The following MCPH1 variants were observed in gnomAD, a reference collection of about 807,000 sequenced individuals.
The protein encoded by MCPH1 is microcephalin 1.
In MCPH1, 104 loss-of-function variants were observed where a neutral mutation model predicts 84.5. The ratio of observed to expected loss-of-function variants is 1.23; its 90% CI spans 1.05 to 1.45. The LOEUF (loss-of-function observed/expected upper bound fraction) is 1.45, where lower values mean the gene tolerates loss of function less well. MCPH1 is among the 40% of genes most tolerant of loss of function. MCPH1 has a pLI of 0.00. For missense variants in MCPH1, 1,498 were observed against 1,005.7 expected (o/e 1.49, Z -6.62); for synonymous variants, 514 against 366.8 (o/e 1.40, Z -4.58).
chr8:6,588,748 A>G (rs1447395507), intron 12 of MCPH1, among the ~76,000 whole-genome samples: 2 of 152,202 alleles, frequency 1.3e-5, no homozygotes, highest in Non-Finnish European at 2.9e-5. Context: ...AGTTCTTCCC[A>G]TGGCTTCTCA....
At chr8:6,578,749 T>G (rs1487874797) in intron 12 of MCPH1, among the ~76,000 whole-genome samples, 1 of 152,180 alleles carries the variant, frequency 6.6e-6, no homozygotes, top group Non-Finnish European at 1.5e-5. Flanking sequence ...AATGTGCCAC[T>G]TCTCAGGAAG....
intron 11 of MCPH1, among the ~76,000 whole-genome samples, chr8:6,487,255 C>A (rs1230446419): frequency 2.0e-5 from 3 of 152,208 alleles, no homozygotes; most frequent in African/African-American, 7.2e-5. Context: ...AAAATGATTT[C>A]ATGATGACTA....
In MCPH1 at chr8:6,564,736, C is replaced by T. The variant is rs149353728; in HGVS notation, c.2215-56718C>T. Among the ~76,000 whole-genome samples, 872 of 152,260 alleles carry T rather than the reference C, an allele frequency of 5.7e-3. 11 individuals are homozygous for T. Among genetic ancestry groups the T allele is most frequent in the African/African-American group, 0.02 (835 of 41,530 alleles). ...CTTTCCCTTATCAATGAATAGTTAA[C>T]GAACAACAGTGTGAATATCTGTGAC... On this transcript the variant is annotated intron_variant, in intron 12 of 13. Transcript: ENST00000344683.
intron 12 of MCPH1, among the ~76,000 whole-genome samples, chr8:6,537,309 C>G (rs1015608632): frequency 3.9e-5 from 6 of 152,018 alleles, no homozygotes; most frequent in African/African-American, 7.3e-5. Context: ...TTATTTTGTC[C>G]TCTTCTTGAT....
chr8:6,431,653 A>G, intron 4 of MCPH1, 67 bp downstream of exon 4: 1 of 1,096,400 alleles, frequency 9.1e-7, no homozygotes, highest in Non-Finnish European at 1.4e-6. Context: ...TTTTATTTCT[A>G]GAAAATAAAA....
rs1316136436 is a variant in MCPH1, at chr8:6,647,680, T to C, written c.*4631T>C. On this transcript the variant is annotated 3_prime_UTR_variant, in exon 14 of 14. Coordinates refer to ENST00000344683, the MANE Select transcript of MCPH1 (RefSeq NM_024596.5). ...ACACAAAAGACTACAAATTGTAAGA[T>C]TCCATTTAGATACCATTTCTACAAA... 6.6e-6 allele frequency: 1 copy of C among 152,212 alleles called. No homozygotes were observed. Among genetic ancestry groups the C allele is most frequent in the African/African-American group, 2.4e-5 (1 of 41,454 alleles). The allele number at this position is 152,212 out of a possible 1,614,324, so 9.4% of individuals were successfully genotyped here. A position where few individuals can be genotyped will look rare whatever the true frequency, so the allele number is the denominator to read the frequency against.
At chr8:6,458,891 C>G (rs1424912593) in intron 9 of MCPH1, among the ~76,000 whole-genome samples, 3 of 152,162 alleles carry the variant, frequency 2.0e-5, no homozygotes, top group African/African-American at 7.2e-5. Flanking sequence ...AGTGATCTGC[C>G]TTCCTTGGCC....
At chr8:6,581,690 A>G (rs1441765312) in intron 12 of MCPH1, among the ~76,000 whole-genome samples, 1 of 152,236 alleles carries the variant, frequency 6.6e-6, no homozygotes, top group East Asian at 1.9e-4. Context: ...AATTATATTG[A>G]AACTTTTCTC....
chr8:6,422,654 C>T (rs1289156791), intron 3 of MCPH1, among the ~76,000 whole-genome samples: 1 of 152,168 alleles, frequency 6.6e-6, no homozygotes. Context: ...ATGCAGACCC[C>T]ATAATACTTG....
At chr8:6,532,186 T>G in intron 12 of MCPH1, 1 of 940,826 alleles carries the variant, frequency 1.1e-6, no homozygotes, top group Non-Finnish European at 1.6e-6. Flanking sequence ...CAGCCATACA[T>G]CCTTAATTTC....
chr8:6,613,834 C>G (rs1830530703), intron 12 of MCPH1, among the ~76,000 whole-genome samples: 1 of 152,120 alleles, frequency 6.6e-6, no homozygotes, highest in Non-Finnish European at 1.5e-5. Flanking sequence ...AGGTGGCAGC[C>G]AGGGGCAGGG....
chr8:6,522,333 C>T (rs368705534), intron 12 of MCPH1, among the ~76,000 whole-genome samples: 23 of 150,876 alleles, frequency 1.5e-4, no homozygotes, highest in East Asian at 1.4e-3. Context: ...CCAGCCTGGG[C>T]GACAGAGCGA....
intron 9 of MCPH1, among the ~76,000 whole-genome samples, chr8:6,460,166 C>T (rs1053662755): frequency 1.3e-4 from 19 of 151,962 alleles, no homozygotes; most frequent in Non-Finnish European, 2.2e-4. Flanking sequence ...TTGCTGGGAA[C>T]GCAATCTCGT....
chr8:6,524,624 T>C (rs970758301), intron 12 of MCPH1, among the ~76,000 whole-genome samples: 1 of 152,192 alleles, frequency 6.6e-6, no homozygotes, highest in Non-Finnish European at 1.5e-5. Context: ...TTTTAGGGTT[T>C]TGGAGAAAAA....
At chr8:6,430,295 A>G (rs1801649948) in intron 3 of MCPH1, among the ~76,000 whole-genome samples, 1 of 152,162 alleles carries the variant, frequency 6.6e-6, no homozygotes. Context: ...TTGCCTTCTC[A>G]TATCTGCCTC....
chr8:6,503,382 A>C, intron 12 of MCPH1: 1 of 963,662 alleles, frequency 1.0e-6, no homozygotes, highest in Non-Finnish European at 1.6e-6. Flanking sequence ...GCACATGCAG[A>C]TGATGGTGAG....
intron 9 of MCPH1, among the ~76,000 whole-genome samples, chr8:6,467,057 A>G (rs951820604): frequency 5.3e-5 from 8 of 152,374 alleles, no homozygotes; most frequent in African/African-American, 1.2e-4. Context: ...GTTAAATACA[A>G]TGACAAAAAC....
chr8:6,619,745 T>C (rs1030004915), intron 12 of MCPH1, among the ~76,000 whole-genome samples: 5 of 152,122 alleles, frequency 3.3e-5, no homozygotes, highest in Admixed American at 2.6e-4. Flanking sequence ...CCACCACGCC[T>C]GGCTAATCTT....
chr8:6,512,348 C>A (rs1276808920), intron 12 of MCPH1, among the ~76,000 whole-genome samples: 1 of 152,176 alleles, frequency 6.6e-6, no homozygotes, highest in South Asian at 2.1e-4. Flanking sequence ...CATTGTGTCT[C>A]CTTTCAGACT....
Sources: allele counts gnomAD v4.1 joint callset (sites outside exome capture counted in the v4.1 genomes callset), GRCh38; gene constraint gnomAD v4.1.1; transcripts MANE v1.5; gene names NCBI Gene and HGNC (gene_info 2026-07-23, HGNC 2026-07-21).